Variants in WNK1 observed in about 807,000 individuals in gnomAD.
The protein encoded by WNK1 is serine/threonine-protein kinase WNK1.
A neutral mutation model predicts 222.8 loss-of-function variants in WNK1; 38 were observed. The ratio of observed to expected loss-of-function variants is 0.17; its 90% CI spans 0.13 to 0.22. The LOEUF (loss-of-function observed/expected upper bound fraction) is 0.22, where lower values mean the gene tolerates loss of function less well. WNK1 is among the 10% of genes least tolerant of loss of function. The pLI is 1.00. For synonymous variants in WNK1, 1,090 were observed against 1,092.9 expected (o/e 1.00, Z 0.05); for missense variants, 2,348 against 2,918.4 (o/e 0.80, Z 4.50).
At position 827,915 on chromosome 12, in the gene WNK1, G is replaced by A. The variant is rs549722018; in HGVS notation, c.1153+653G>A. Among the ~76,000 whole-genome samples the A allele has an allele frequency of 4.5e-4, 69 of 151,750 alleles. No individual in the cohort carries two copies. Among genetic ancestry groups the A allele is most frequent in the Non-Finnish European group, 5.7e-4 (39 of 67,896 alleles). ...CAGTATGTCACTTCATGAAAGAAAT[G>A]GAATTTATATTTAGTTTTACTTTCT... On this transcript the variant is annotated intron_variant, in intron 3 of 27. Coordinates refer to ENST00000315939, the MANE Select transcript of WNK1 (RefSeq NM_018979.4). The surrounding 1 kb of genome is among the most constrained non-coding windows in gnomAD (Gnocchi z 4.6).
Position 879,867 on chromosome 12 carries a change from A to C in WNK1, c.2668A>C (p.Thr890Pro), listed in dbSNP as rs781465541. The C allele has an allele frequency of 1.2e-6, 2 of 1,614,126 alleles. No individual in the cohort carries two copies. Among genetic ancestry groups the C allele is most frequent in the South Asian group, 2.2e-5 (2 of 91,072 alleles). ...AACAGCTGCGATCCCGGGGGTATCA[A>C]CTGTGGTTCCTAGTCAGCTTCCAAC... ...ATTAAIPGVS[T>P]VVPSQLPTLL... is the part of the protein sequence containing the mutation. The change falls in exon 11 of 28, where the codon ACT becomes CCT. Residue 890 changes from threonine to proline, a missense_variant. Physicochemically the swap from Thr to Pro is conservative, Grantham distance 38. Transcript: ENST00000315939.
At chr12:865,592 C>T (rs1951595655) in intron 8 of WNK1, among the ~76,000 whole-genome samples, 1 of 152,142 alleles carries the variant, frequency 6.6e-6, no homozygotes, top group Non-Finnish European at 1.5e-5. Flanking sequence ...TTGGCACATA[C>T]CAGCATGTGT....
chr12:754,228 C>T lies in WNK1; in HGVS notation c.663C>T (p.Leu221=), dbSNP rs1323697308. 6.2e-7 allele frequency: 1 copy of T among 1,613,770 alleles called. No homozygotes were observed. Among genetic ancestry groups the T allele is most frequent in the East Asian group, 2.2e-5 (1 of 44,890 alleles). The change falls in exon 1 of 28, where the codon CTC becomes CTT. Residue 221 remains leucine (L), a synonymous_variant. Coordinates refer to ENST00000315939, the MANE Select transcript of WNK1 (RefSeq NM_018979.4). ...AVGMSNDGRF[L]KFDIEIGRGS... is the part of the protein sequence containing the mutation. ...GAATGTCTAACGATGGCCGCTTTCT[C>T]AAGTTTGACATCGAAATCGGCAGAG...
In WNK1 at chr12:862,280, T is replaced by A. The variant is rs780014209; in HGVS notation, c.2139+10T>A. 1.9e-6 allele frequency: 3 copies of A among 1,613,830 alleles called. No individual in the cohort carries two copies. In the East Asian group the frequency reaches 6.7e-5, roughly 36 times the overall value. On this transcript the variant is annotated intron_variant, in intron 8 of 27. Transcript: ENST00000315939. ...TCCACCCTCAAGTGTGGTAAGTAAA[T>A]GCTTAAGAGCATGTAATACTACAAT...
At position 830,314 on chromosome 12, in the gene WNK1, G is replaced by T. The variant is rs11611246; in HGVS notation, c.1311+154G>T. On this transcript the variant is annotated intron_variant, in intron 4 of 27. Coordinates refer to ENST00000315939, the MANE Select transcript of WNK1 (RefSeq NM_018979.4). The stretch of plus-strand genomic sequence containing the variant: ...GGGGTGGTGTTGAGGTATGTGTAAG[G>T]CTATTGCTCATGATACAGTGAAAGA... Among the ~76,000 whole-genome samples the T allele has an allele frequency of 0.19, 28,963 of 151,986 alleles. 3,039 individuals carry two copies. Among genetic ancestry groups the T allele is most frequent in the East Asian group, 0.31 (1,589 of 5,162 alleles).
At position 897,546 on chromosome 12, in the gene WNK1, C is replaced by G. The variant is rs1199697447; in HGVS notation, c.6313C>G (p.Leu2105Val). 30 of 1,613,400 alleles carry G rather than the reference C, an allele frequency of 1.9e-5. No individual in the cohort carries two copies. Among genetic ancestry groups the G allele is most frequent in the Non-Finnish European group, 2.5e-5 (30 of 1,179,394 alleles). Reference protein sequence around the residue: ...KHEIESLYTKLGKVPPAVIIP... With the variant: ...KHEIESLYTKVGKVPPAVIIP... ...TGAAATTGAATCTTTGTATACCAAA[C>G]TGGGCAAGGTGCCCCCTGCTGTTAT... The change falls in exon 25 of 28, where the codon CTG (leucine) becomes GTG (valine). Residue 2105 changes from leucine to valine, a missense_variant. Physicochemically the swap from Leu to Val is conservative, Grantham distance 32. Transcript: ENST00000315939.
intron 4 of WNK1, among the ~76,000 whole-genome samples, chr12:853,666 G>A (rs951004476): frequency 6.6e-6 from 1 of 152,176 alleles, no homozygotes; most frequent in African/African-American, 2.4e-5. Flanking sequence ...AGAAGAATCA[G>A]TATACATTTG....
intron 2 of WNK1, among the ~76,000 whole-genome samples, chr12:824,329 C>A (rs1368976612): frequency 6.6e-6 from 1 of 151,368 alleles, no homozygotes; most frequent in Non-Finnish European, 1.5e-5. Context: ...TTTTTATAAC[C>A]ACTTTTCATT....
intron 1 of WNK1, among the ~76,000 whole-genome samples, chr12:774,698 G>A (rs1942909608): frequency 2.0e-5 from 3 of 152,106 alleles, no homozygotes; most frequent in South Asian, 2.1e-4. Flanking sequence ...TAGATTTTCA[G>A]TGTCCCAAGT....
chr12:834,701 G>T (rs1221891489), intron 4 of WNK1, among the ~76,000 whole-genome samples: 2 of 152,100 alleles, frequency 1.3e-5, no homozygotes, highest in African/African-American at 4.8e-5. Context: ...CCCTCTTACA[G>T]ATTGCTTAGC....
chr12:901,524 C>CCT, intron 26 of WNK1: 5 of 1,273,024 alleles, frequency 3.9e-6, no homozygotes, highest in Non-Finnish European at 5.1e-6. Flanking sequence ...TGTCTCTTCT[C>CCT]CTCTCTCTGT....
Position 884,024 on chromosome 12 carries a change from CCTCAAAAAAAG to C in WNK1, c.3722-95_3722-85del. The C allele has an allele frequency of 6.4e-7, 1 of 1,568,654 alleles. No homozygotes were observed. ...GCCTGGGTGAGAGAATGAGACCGTG[CCTCAAAAAAAG>C]CAGTTGTATGTGCCAATAATGAAGT... On this transcript the variant is annotated intron_variant, in intron 17 of 27. Coordinates refer to ENST00000315939, the MANE Select transcript of WNK1 (RefSeq NM_018979.4). This position sits in a 1 kb window ranked among gnomAD's most constrained non-coding sequence, Gnocchi z 5.6.
chr12:900,268 G>A (rs181224213), intron 25 of WNK1, among the ~76,000 whole-genome samples: 111 of 152,206 alleles, frequency 7.3e-4, no homozygotes, highest in African/African-American at 2.3e-3. Context: ...TATTATAGGC[G>A]TGAGCCACAA....
At chr12:874,214 G>C (rs1952418532) in intron 9 of WNK1, among the ~76,000 whole-genome samples, 1 of 151,868 alleles carries the variant, frequency 6.6e-6, no homozygotes, top group South Asian at 2.1e-4. Flanking sequence ...AAGTCTGTTT[G>C]AACTGGTTTC....
chr12:787,112 A>G (rs1944386495), intron 1 of WNK1, among the ~76,000 whole-genome samples: 2 of 152,142 alleles, frequency 1.3e-5, no homozygotes, highest in Non-Finnish European at 2.9e-5. Flanking sequence ...TTTCATTGTT[A>G]ATTTTTAAAA....
At chr12:805,178 T>C (rs930680662) in intron 1 of WNK1, among the ~76,000 whole-genome samples, 2 of 152,080 alleles carry the variant, frequency 1.3e-5, no homozygotes, top group African/African-American at 2.4e-5. Context: ...TAATTCTGTG[T>C]TCAACTTTTT....
chr12:776,446 T>TGTGTGTGTGTGTGTGTGTGTG (rs1158501572), intron 1 of WNK1, among the ~76,000 whole-genome samples: 1 of 61,482 alleles, frequency 1.6e-5, no homozygotes, highest in African/African-American at 4.5e-5. Context: ...GTGTGTGTGT[T>TGTGTGTGTGTGTGTGTGTGTG]TCTTGAGATG....
chr12:868,471 A>G lies in WNK1; in HGVS notation c.2140-2794A>G, dbSNP rs760070168. On this transcript the variant is annotated intron_variant, in intron 8 of 27. Coordinates refer to ENST00000315939, the MANE Select transcript of WNK1 (RefSeq NM_018979.4). ...TGGTAGGACACCTTCAGAATCTAAG[A>G]TTAGATTCTGGATTGGGTCCGGGAT... is the stretch of plus-strand genomic sequence containing the variant. 30 of 1,613,794 alleles carry G rather than the reference A, an allele frequency of 1.9e-5. No homozygotes were observed. Among genetic ancestry groups the G allele is most frequent in the Non-Finnish European group, 5.1e-6 (6 of 1,179,868 alleles).
chr12:842,517 AT>A (rs2154043394), intron 4 of WNK1, among the ~76,000 whole-genome samples: 1 of 152,028 alleles, frequency 6.6e-6, no homozygotes, highest in East Asian at 1.9e-4. Flanking sequence ...TTTCCCCTTA[AT>A]TTTTACCCTA....
Sources: allele counts gnomAD v4.1 joint callset (sites outside exome capture counted in the v4.1 genomes callset), GRCh38; gene constraint gnomAD v4.1.1; non-coding constraint Gnocchi (gnomAD v3.1); transcripts MANE v1.5; gene names NCBI Gene and HGNC (gene_info 2026-07-23, HGNC 2026-07-21).